Variants in CTNNA2 observed in about 807,000 individuals in gnomAD.
The protein encoded by CTNNA2 is catenin alpha-2.
Under a neutral mutation model 101.0 loss-of-function variants are expected in CTNNA2, and 42 were observed. The ratio of observed to expected loss-of-function variants is 0.42; its 90% confidence interval spans 0.32 to 0.54. The LOEUF (loss-of-function observed/expected upper bound fraction) is 0.54. Ranked by LOEUF, CTNNA2 falls within the 20% of genes least tolerant of loss-of-function variation. The pLI, the probability that CTNNA2 is intolerant of heterozygous loss-of-function variation, is 0.14. For synonymous variants in CTNNA2, 450 were observed against 456.4 expected, an observed-to-expected ratio of 0.99 and a Z score of 0.18; for missense variants, 871 against 1,223.1, an observed-to-expected ratio of 0.71 and a Z score of 4.29.
intron 9 of CTNNA2, among the ~76,000 whole-genome samples, chr2:80,505,399 T>C (rs936847268): frequency 2.0e-5 from 3 of 152,224 alleles, no homozygotes; most frequent in African/African-American, 7.2e-5. Flanking sequence ...CAAGATCTTA[T>C]CTAATTTTAA....
chr2:79,957,445 T>TCTCTTTACTGGC (rs1482269725), intron 7 of CTNNA2, among the ~76,000 whole-genome samples: 4 of 152,160 alleles, frequency 2.6e-5, no homozygotes, highest in African/African-American at 9.7e-5. Context: ...TCTTTACTGG[T>TCTCTTTACTGGC]CTCTGACTGC....
intron 3 of CTNNA2, among the ~76,000 whole-genome samples, chr2:79,355,811 A>G (rs1677496625): frequency 6.6e-6 from 1 of 152,110 alleles, no homozygotes; most frequent in Non-Finnish European, 1.5e-5. Context: ...ATTTCACTGT[A>G]TGAGCATACC....
intron 4 of CTNNA2, among the ~76,000 whole-genome samples, chr2:79,478,874 A>T (rs1325420021): frequency 1.3e-5 from 2 of 152,156 alleles, no homozygotes; most frequent in Non-Finnish European, 2.9e-5. Flanking sequence ...CAGACTCTCA[A>T]AGTGAAGGCC....
intron 3 of CTNNA2, among the ~76,000 whole-genome samples, chr2:79,829,255 A>C (rs907528703): frequency 6.6e-6 from 1 of 151,838 alleles, no homozygotes. Context: ...CGGTTGGCTC[A>C]TGCCTGTAAT....
chr2:79,340,945 G>T (rs1218177542), intron 3 of CTNNA2, among the ~76,000 whole-genome samples: 1 of 149,114 alleles, frequency 6.7e-6, no homozygotes, highest in African/African-American at 2.5e-5. Flanking sequence ...AATCACAATT[G>T]CTTAAACATT....
chr2:80,263,235 T>G (rs2149126588), intron 7 of CTNNA2, among the ~76,000 whole-genome samples: 1 of 152,344 alleles, frequency 6.6e-6, no homozygotes, highest in African/African-American at 2.4e-5. Flanking sequence ...ATTAAAAATC[T>G]ATAAATCCAC....
intron 3 of CTNNA2, among the ~76,000 whole-genome samples, chr2:79,803,904 T>C (rs1676361937): frequency 6.6e-6 from 1 of 152,330 alleles, no homozygotes; most frequent in African/African-American, 2.4e-5. Flanking sequence ...GAATATTTTA[T>C]AGGGTAGGAA....
intron 2 of CTNNA2, among the ~76,000 whole-genome samples, chr2:79,254,171 G>A (rs2861789): frequency 0.42 from 63,112 of 152,036 alleles, 14,191 homozygotes; most frequent in Non-Finnish European, 0.5. Flanking sequence ...ACCCTCTGTA[G>A]GGCAGAAAGT....
chr2:80,623,538 G>A (rs888320245), intron 18 of CTNNA2, among the ~76,000 whole-genome samples: 2 of 151,956 alleles, frequency 1.3e-5, no homozygotes, highest in Admixed American at 6.6e-5. Context: ...TAAAAGATGT[G>A]AGGTTGGTGT....
At position 79,956,843 on chromosome 2, in the gene CTNNA2, G is replaced by GTTTTTTTTTTTT. The variant is rs66471325; in HGVS notation, c.1056+47060_1056+47071dup. ...TTTCATTTACTATGAATACGTGTGG[G>GTTTTTTTTTTTT]TTTTTTTTTTTTTTTTTTTTTTTTT... On this transcript the variant is annotated intron_variant, in intron 7 of 18. Transcript: ENST00000402739. Among the ~76,000 whole-genome samples, 357 of 98,842 alleles carry GTTTTTTTTTTTT rather than the reference G, an allele frequency of 3.6e-3. 25 individuals are homozygous for GTTTTTTTTTTTT. Among genetic ancestry groups the GTTTTTTTTTTTT allele is most frequent in the African/African-American group, 0.015 (329 of 21,292 alleles). The allele number at this position is 98,842 out of a possible 152,430, so 64.8% of individuals were successfully genotyped here.
At chr2:79,454,438 A>G (rs1266635830) in intron 4 of CTNNA2, among the ~76,000 whole-genome samples, 1 of 152,136 alleles carries the variant, frequency 6.6e-6, no homozygotes, top group Admixed American at 6.6e-5. Flanking sequence ...TTGTGCCAAT[A>G]ATATAATAAT....
intron 7 of CTNNA2, among the ~76,000 whole-genome samples, chr2:80,074,796 T>G (rs886800671): frequency 6.6e-6 from 1 of 152,212 alleles, no homozygotes; most frequent in South Asian, 2.1e-4. Context: ...CAAATAATAC[T>G]GCAAATTGTA....
chr2:80,546,575 C>G (rs1050846081), intron 11 of CTNNA2, among the ~76,000 whole-genome samples: 4 of 152,160 alleles, frequency 2.6e-5, no homozygotes, highest in African/African-American at 9.7e-5. Context: ...GCTTTGAGCA[C>G]TTGTCTATGA....
At chr2:79,643,907 A>G (rs1680620350) in intron 1 of CTNNA2, among the ~76,000 whole-genome samples, 1 of 152,072 alleles carries the variant, frequency 6.6e-6, no homozygotes, top group South Asian at 2.1e-4. Context: ...CCCTCTAGCA[A>G]CTAGGTTAAG....
chr2:80,109,087 T>C (rs1488109972), intron 7 of CTNNA2, among the ~76,000 whole-genome samples: 1 of 152,206 alleles, frequency 6.6e-6, no homozygotes, highest in Non-Finnish European at 1.5e-5. Flanking sequence ...GATGATAAAG[T>C]CCAAGTGAGC....
intron 7 of CTNNA2, among the ~76,000 whole-genome samples, chr2:80,217,707 T>C (rs1708350797): frequency 6.6e-6 from 1 of 152,224 alleles, no homozygotes; most frequent in Non-Finnish European, 1.5e-5. Flanking sequence ...GTAATGATTT[T>C]GTTGTTGTTG....
At chr2:80,082,292 A>C (rs538985917) in intron 7 of CTNNA2, among the ~76,000 whole-genome samples, 1 of 152,280 alleles carries the variant, frequency 6.6e-6, no homozygotes, top group East Asian at 1.9e-4. Flanking sequence ...AAAGTATTCT[A>C]AACAGACTGA....
chr2:79,439,948 G>GTAAAC (rs1678759151), intron 4 of CTNNA2, among the ~76,000 whole-genome samples: 1 of 151,934 alleles, frequency 6.6e-6, no homozygotes, highest in Non-Finnish European at 1.5e-5. Context: ...ACATGCGAAG[G>GTAAAC]TAAACTATTA....
intron 3 of CTNNA2, among the ~76,000 whole-genome samples, chr2:79,357,042 T>G (rs755166221): frequency 1.4e-4 from 21 of 152,142 alleles, no homozygotes; most frequent in Admixed American, 7.9e-4. Flanking sequence ...AAAAACTCAA[T>G]AGAGCTGGGT....
Sources: gnomAD v4.1 joint callset for allele counts (sites outside exome capture counted in the v4.1 genomes callset) on GRCh38, gnomAD v4.1.1 for gene constraint, MANE v1.5 for transcripts, NCBI Gene and HGNC (gene_info 2026-07-23, HGNC 2026-07-21) for gene names.